VTI1B: variants seen among roughly 807,000 people sequenced by gnomAD.
VTI1B encodes the protein vesicle transport through interaction with t-SNAREs homolog 1B.
In VTI1B, 18 loss-of-function variants were observed where a neutral mutation model predicts 28.6. That is an observed-to-expected ratio of 0.63 (90% CI 0.43 to 0.93). VTI1B has a LOEUF of 0.93. Among genes scored for constraint, VTI1B ranks in the 40% least tolerant of loss-of-function variants. The pLI, the probability that VTI1B is intolerant of heterozygous loss-of-function variation, is 0.00. For synonymous variants in VTI1B, 100 were observed against 107.9 expected, an observed-to-expected ratio of 0.93 and a Z score of 0.46; for missense variants, 283 against 297.0, an observed-to-expected ratio of 0.95 and a Z score of 0.35.
intron 1 of VTI1B, among the ~76,000 whole-genome samples, chr14:67,674,165 AG>A (rs1186237444): frequency 6.6e-6 from 1 of 152,260 alleles, no homozygotes; most frequent in Non-Finnish European, 1.5e-5. Context: ...GGAAGGCCAT[AG>A]AAGGATCCCA....
chr14:67,663,884 T>C (rs2140834134), intron 1 of VTI1B, among the ~76,000 whole-genome samples: 1 of 152,268 alleles, frequency 6.6e-6, no homozygotes, highest in Non-Finnish European at 1.5e-5. Flanking sequence ...GATAATTTCC[T>C]TCATTTCTTT....
At chr14:67,656,671 G>C in intron 3 of VTI1B, 82 bp from the exon 4 acceptor site, 2 of 1,433,312 alleles carry the variant, frequency 1.4e-6, no homozygotes, top group African/African-American at 1.4e-5. Context: ...CCTTCCCCAT[G>C]TTAGAAGGGA....
chr14:67,660,415 T>A (rs1190485592), intron 2 of VTI1B, among the ~76,000 whole-genome samples: 1 of 152,008 alleles, frequency 6.6e-6, no homozygotes, highest in South Asian at 2.1e-4. Context: ...TATATATATA[T>A]AAAAAATTAA....
chr14:67,673,306 T>C (rs1267650838), intron 1 of VTI1B, among the ~76,000 whole-genome samples: 2 of 151,978 alleles, frequency 1.3e-5, no homozygotes, highest in South Asian at 4.1e-4. Flanking sequence ...ATCGTGCCAC[T>C]GCACTCCAGC....
intron 1 of VTI1B, among the ~76,000 whole-genome samples, chr14:67,664,945 C>A (rs545213358): frequency 8.1e-4 from 124 of 152,338 alleles, no homozygotes; most frequent in African/African-American, 2.9e-3. Context: ...CAGCTCACTG[C>A]AAACTCCAAC....
intron 1 of VTI1B, among the ~76,000 whole-genome samples, chr14:67,666,776 G>A (rs529339555): frequency 2.0e-5 from 3 of 152,164 alleles, no homozygotes; most frequent in Non-Finnish European, 4.4e-5. Context: ...ATGTATGGCA[G>A]CACTAGTTCT....
Position 67,651,209 on chromosome 14 carries a change from T to C in VTI1B, c.*176A>G. 1 of 1,269,674 alleles carries C rather than the reference T, an allele frequency of 7.9e-7. No homozygotes were observed. Among genetic ancestry groups the C allele is most frequent in the East Asian group, 2.5e-5 (1 of 39,608 alleles). The allele number at this position is 1,269,674 out of a possible 1,614,324, so 78.7% of individuals were successfully genotyped here. On this transcript the variant is annotated 3_prime_UTR_variant, in exon 6 of 6. Transcript: ENST00000554659. ...TATATCATACTGGTCTTGTTGCTGT[T>C]GTTCCTTCACATTTAAGTGGTTTTT...
intron 1 of VTI1B, among the ~76,000 whole-genome samples, chr14:67,672,143 G>A (rs1313948690): frequency 2.0e-5 from 3 of 148,304 alleles, no homozygotes; most frequent in Admixed American, 6.7e-5. Flanking sequence ...TTTTTTGGGA[G>A]AGTCTTGCTC....
At position 67,669,178 on chromosome 14, in the gene VTI1B, G is replaced by A. The variant is rs576199674; in HGVS notation, c.115+5197C>T. Among the ~76,000 whole-genome samples, 19 of 152,210 alleles carry A rather than the reference G, an allele frequency of 1.2e-4. No individual in the cohort carries two copies. In the South Asian group the frequency reaches 3.1e-3, roughly 25 times the overall value. On this transcript the variant is annotated intron_variant, in intron 1 of 5. Transcript: ENST00000554659. ...CCTGTCCAAGGTCACACTGCTACTA[G>A]AAGGTGAATTTAAACTCAGGCAATC...
intron 1 of VTI1B, among the ~76,000 whole-genome samples, chr14:67,672,215 C>T (rs544417310): frequency 5.3e-5 from 8 of 151,124 alleles, no homozygotes; most frequent in African/African-American, 1.9e-4. Flanking sequence ...AGCTCCAGGG[C>T]CCAAGTGATC....
intron 4 of VTI1B, among the ~76,000 whole-genome samples, chr14:67,654,044 T>C (rs570943549): frequency 1.3e-5 from 2 of 152,340 alleles, no homozygotes; most frequent in South Asian, 4.2e-4. Flanking sequence ...CTCCAGCAGA[T>C]GGCTACTTGC....
In VTI1B at chr14:67,662,521, A is replaced by G. The variant is rs1413854883; in HGVS notation, c.130T>C (p.Leu44=). 1.9e-6 allele frequency: 3 copies of G among 1,611,360 alleles called. No homozygotes were observed. The highest frequency in any genetic ancestry group is 1.1e-5 in the South Asian group (1 of 90,626). The change falls in exon 2 of 6, where the codon TTG becomes CTG. Residue 44 remains leucine, a synonymous_variant. Transcript: ENST00000554659. The stretch of plus-strand genomic sequence containing the variant: ...TGCTTTTCATCAAAATCCCTGATCA[A>G]TTTCTTCTTTTCTTCTAGAAAAGAT... The part of the protein sequence containing the change: ...GTAGTEEKKK[L]IRDFDEKQQE...
At chr14:67,653,330 G>T in intron 5 of VTI1B, 107 bp downstream of exon 5, 3 of 883,866 alleles carry the variant, frequency 3.4e-6, no homozygotes, top group Non-Finnish European at 5.4e-6. Flanking sequence ...GGGACTATGC[G>T]TCAACTGCTG....
At chr14:67,664,222 A>T (rs1431566999) in intron 1 of VTI1B, among the ~76,000 whole-genome samples, 1 of 152,182 alleles carries the variant, frequency 6.6e-6, no homozygotes, top group Non-Finnish European at 1.5e-5. Context: ...TTGTGGAGCC[A>T]TCACCACTAA....
intron 1 of VTI1B, among the ~76,000 whole-genome samples, chr14:67,671,704 C>T (rs2037467105): frequency 6.6e-6 from 1 of 152,160 alleles, no homozygotes; most frequent in Non-Finnish European, 1.5e-5. Context: ...AAATGTATTT[C>T]TCAGAGTTCT....
chr14:67,662,025 G>A (rs2037342116), intron 2 of VTI1B, among the ~76,000 whole-genome samples: 1 of 151,900 alleles, frequency 6.6e-6, no homozygotes, highest in Admixed American at 6.6e-5. Context: ...GTGTGGTGGC[G>A]CCCACCTGTA....
chr14:67,667,191 T>G (rs1293164453), intron 1 of VTI1B, among the ~76,000 whole-genome samples: 1 of 152,168 alleles, frequency 6.6e-6, no homozygotes, highest in African/African-American at 2.4e-5. Context: ...AAAGCCTACC[T>G]TAATGTTTGA....
Position 67,647,132 on chromosome 14 carries a change from AC to A in VTI1B, c.*4252del. On this transcript the variant is annotated 3_prime_UTR_variant, in exon 6 of 6. Transcript: ENST00000554659. ...CTTTTAAAATACAAAGCAAAAACAT[AC>A]ACATAATTTTAAATAGTTCAGAAAG... The A allele has an allele frequency of 1.3e-6, 1 of 749,122 alleles. No individual in the cohort carries two copies. Among genetic ancestry groups the A allele is most frequent in the East Asian group, 2.6e-5 (1 of 38,634 alleles). The allele number at this position is 749,122 out of a possible 1,614,324, so 46.4% of individuals were successfully genotyped here.
chr14:67,667,836 C>T (rs537855620), intron 1 of VTI1B, among the ~76,000 whole-genome samples: 101 of 152,002 alleles, frequency 6.6e-4, no homozygotes, highest in Admixed American at 1.1e-3. Context: ...CCCAGCTACT[C>T]GGGAGGCTGA....
Sources: gnomAD v4.1 joint callset for allele counts (sites outside exome capture counted in the v4.1 genomes callset) on GRCh38, gnomAD v4.1.1 for gene constraint, MANE v1.5 for transcripts, NCBI Gene and HGNC (gene_info 2026-07-23, HGNC 2026-07-21) for gene names.